AK5: variants seen among roughly 807,000 people sequenced by gnomAD.
The protein encoded by AK5 is adenylate kinase isoenzyme 5.
Under a neutral mutation model 69.5 loss-of-function variants are expected in AK5, and 27 were observed. The ratio of observed to expected loss-of-function variants is 0.39; its 90% confidence interval spans 0.29 to 0.54. The LOEUF (loss-of-function observed/expected upper bound fraction) is 0.54, where lower values mean the gene tolerates loss of function less well. Among genes scored for constraint, AK5 ranks in the 20% least tolerant of loss-of-function variants. AK5 has a pLI of 0.71. For synonymous variants in AK5, 260 were observed against 244.4 expected, an observed-to-expected ratio of 1.06 and a Z score of -0.60; for missense variants, 531 against 700.4, an observed-to-expected ratio of 0.76 and a Z score of 2.73.
At chr1:77,531,756 T>C (rs1422375293) in intron 12 of AK5, among the ~76,000 whole-genome samples, 1 of 148,406 alleles carries the variant, frequency 6.7e-6, no homozygotes, top group South Asian at 2.1e-4. Flanking sequence ...TCCCGCGCCC[T>C]GCGCCCGCAC....
intron 1 of AK5, among the ~76,000 whole-genome samples, chr1:77,284,685 T>C (rs1273367217): frequency 1.3e-5 from 2 of 152,240 alleles, no homozygotes; most frequent in Non-Finnish European, 2.9e-5. Flanking sequence ...GGCAATCAAT[T>C]TGAATACTGT....
At chr1:77,466,094 G>T (rs1654125103) in intron 8 of AK5, among the ~76,000 whole-genome samples, 1 of 152,166 alleles carries the variant, frequency 6.6e-6, no homozygotes, top group African/African-American at 2.4e-5. Flanking sequence ...GGCTCTGCTG[G>T]AGTCCTCTGT....
chr1:77,379,678 A>G (rs1647488055), intron 6 of AK5, among the ~76,000 whole-genome samples: 1 of 152,256 alleles, frequency 6.6e-6, no homozygotes, highest in South Asian at 2.1e-4. Context: ...ATCTTTAAAG[A>G]ATACACAAGT....
chr1:77,328,510 A>C (rs2100346199), intron 5 of AK5, among the ~76,000 whole-genome samples: 1 of 152,218 alleles, frequency 6.6e-6, no homozygotes. Flanking sequence ...AAAAAGAAAA[A>C]AAAAAACTTC....
intron 5 of AK5, among the ~76,000 whole-genome samples, chr1:77,324,833 A>G (rs547579982): frequency 1.3e-5 from 2 of 152,238 alleles, no homozygotes; most frequent in East Asian, 3.9e-4. Flanking sequence ...TATTCTGCAG[A>G]TCGTTTCATT....
At chr1:77,383,197 T>C (rs1024852380) in intron 6 of AK5, among the ~76,000 whole-genome samples, 1 of 152,166 alleles carries the variant, frequency 6.6e-6, no homozygotes, top group African/African-American at 2.4e-5. Flanking sequence ...AAGCATAAAA[T>C]TACTCTTAAA....
At chr1:77,439,724 A>G (rs927453648) in intron 8 of AK5, among the ~76,000 whole-genome samples, 29 of 151,980 alleles carry the variant, frequency 1.9e-4, no homozygotes, top group Non-Finnish European at 2.2e-4. Flanking sequence ...TGCAAATGAC[A>G]GTATTTATAT....
chr1:77,530,259 C>A (rs1658506646), intron 12 of AK5, among the ~76,000 whole-genome samples: 1 of 152,156 alleles, frequency 6.6e-6, no homozygotes, highest in African/African-American at 2.4e-5. Context: ...GAACTTAGAG[C>A]TGCGTAATGG....
Position 77,456,139 on chromosome 1 carries a change from C to T in AK5, c.1060-27178C>T, listed in dbSNP as rs1471154811. ...GCAATGTCTGTTTGGAGAAAATGAA[C>T]AGTGGAAGCCCCTAAAACAGCAAGT... On this transcript the variant is annotated intron_variant, in intron 8 of 13. Transcript: ENST00000354567. 3.3e-5 allele frequency among the ~76,000 whole-genome samples: 5 copies of T among 152,040 alleles called. No homozygotes were observed. The East Asian group carries it at 9.6e-4, about 29-fold the overall frequency.
At chr1:77,368,543 G>T (rs1206194459) in intron 6 of AK5, among the ~76,000 whole-genome samples, 1 of 151,430 alleles carries the variant, frequency 6.6e-6, no homozygotes, top group Non-Finnish European at 1.5e-5. Flanking sequence ...TCCTGACTCT[G>T]AATTCATATG....
intron 6 of AK5, among the ~76,000 whole-genome samples, chr1:77,372,180 C>CAA (rs35478846): frequency 1.9e-4 from 29 of 149,356 alleles, no homozygotes; most frequent in Non-Finnish European, 3.9e-4. Context: ...AGATTTAAAA[C>CAA]AAAAAAAAAA....
Position 77,340,506 on chromosome 1 carries a change from A to T in AK5, c.829A>T (p.Asn277Tyr). 1 of 1,614,146 alleles carries T rather than the reference A, an allele frequency of 6.2e-7. No individual in the cohort carries two copies. The highest frequency in any genetic ancestry group is 1.1e-5 in the South Asian group (1 of 91,074). Residue 277 changes from asparagine to tyrosine, a missense_variant, in exon 6 of 14, where the codon AAC becomes TAC. Coordinates refer to ENST00000354567, the MANE Select transcript of AK5 (RefSeq NM_174858.3). ...AAAAGCTACCCAAAGGAGACTAATGAACTTCAAGCAGAATGCTGCTCCATT... is the reference window on the plus strand; with the variant it reads ...AAAAGCTACCCAAAGGAGACTAATGTACTTCAAGCAGAATGCTGCTCCATT... ...NVKATQRRLM[N>Y]FKQNAAPLVK...
At chr1:77,460,967 A>G (rs1032644419) in intron 8 of AK5, among the ~76,000 whole-genome samples, 2 of 150,998 alleles carry the variant, frequency 1.3e-5, no homozygotes, top group African/African-American at 4.9e-5. Context: ...CAAGTGATCC[A>G]CCTTACTCAG....
intron 10 of AK5, among the ~76,000 whole-genome samples, chr1:77,515,875 A>C (rs888794422): frequency 6.6e-6 from 1 of 152,178 alleles, no homozygotes; most frequent in African/African-American, 2.4e-5. Context: ...ACATAGCAAG[A>C]GACCCTGTCT....
At chr1:77,412,915 T>C (rs1175059162) in intron 7 of AK5, among the ~76,000 whole-genome samples, 2 of 152,076 alleles carry the variant, frequency 1.3e-5, no homozygotes, top group Non-Finnish European at 2.9e-5. Context: ...TCCAAACCTT[T>C]GTCTTTATTC....
At chr1:77,406,470 T>C (rs1649653794) in intron 6 of AK5, among the ~76,000 whole-genome samples, 2 of 152,176 alleles carry the variant, frequency 1.3e-5, no homozygotes, top group Admixed American at 1.3e-4. Context: ...TCTGGAAATA[T>C]GCAGAGGGCC....
intron 5 of AK5, chr1:77,313,813 A>G (rs771264222): frequency 3.8e-6 from 2 of 532,968 alleles, no homozygotes; most frequent in South Asian, 2.8e-5. Context: ...ACGCCCTCAG[A>G]CAAAGATGCC....
intron 8 of AK5, among the ~76,000 whole-genome samples, chr1:77,418,944 A>G (rs1023059700): frequency 6.6e-5 from 10 of 152,232 alleles, no homozygotes; most frequent in African/African-American, 9.6e-5. Context: ...TTTAACATCT[A>G]TTAAGCACTT....
chr1:77,434,107 C>CACAAATAAATAA (rs1304504569), intron 8 of AK5, among the ~76,000 whole-genome samples: 11 of 143,506 alleles, frequency 7.7e-5, no homozygotes, highest in African/African-American at 1.3e-4. Flanking sequence ...GAGTGCAAAG[C>CACAAATAAATAA]ATAAATAAAT....
Sources: gnomAD v4.1 joint callset for allele counts (sites outside exome capture counted in the v4.1 genomes callset) on GRCh38, gnomAD v4.1.1 for gene constraint, MANE v1.5 for transcripts, NCBI Gene and HGNC (gene_info 2026-07-23, HGNC 2026-07-21) for gene names.